The following RBM25 variants were observed in gnomAD, a reference collection of about 807,000 sequenced individuals.
The protein encoded by RBM25 is RNA-binding protein 25.
In RBM25, 19 loss-of-function variants were observed where a neutral mutation model predicts 120.7. The observed-to-expected ratio is 0.16, with a 90% CI of 0.11 to 0.23. The LOEUF is 0.23. Among genes scored for constraint, RBM25 ranks in the 10% least tolerant of loss-of-function variants. The pLI, the probability that RBM25 is intolerant of heterozygous loss-of-function variation, is 1.00. For missense variants in RBM25, 605 were observed against 1,041.5 expected (o/e 0.58, Z 5.77); for synonymous variants, 390 against 326.7 (o/e 1.19, Z -2.09).
At position 73,109,242 on chromosome 14, in the gene RBM25, T is replaced by A. The variant is rs181804695; in HGVS notation, c.1542-100T>A. ...TAAGACATTCTTTAACCTCTTAGCA[T>A]GCAGGTTGTAATGTTGAAAAGAGGT... On this transcript the variant is annotated intron_variant, in intron 13 of 18. Transcript: ENST00000261973. The A allele has an allele frequency of 4.5e-5, 57 of 1,255,438 alleles. No individual in the cohort carries two copies. The East Asian group carries it at 7.1e-4, about 16-fold the overall frequency. The allele number at this position is 1,255,438 out of a possible 1,614,324, so 77.8% of individuals were successfully genotyped here. A position where few individuals can be genotyped will look rare whatever the true frequency, so the allele number is the denominator to read the frequency against.
chr14:73,071,059 T>C (rs1300341798), intron 1 of RBM25, among the ~76,000 whole-genome samples: 3 of 151,066 alleles, frequency 2.0e-5, no homozygotes, highest in Non-Finnish European at 4.4e-5. Context: ...CTGGCCAACA[T>C]GGTGAAACCC....
chr14:73,077,591 A>G (rs1358301582), intron 4 of RBM25, 55 bp downstream of exon 4: 14 of 1,429,116 alleles, frequency 9.8e-6, no homozygotes, highest in Non-Finnish European at 1.2e-5. Context: ...CTACATTTCA[A>G]ACTTAAGCAG....
chr14:73,099,464 C>T, intron 8 of RBM25, 31 bp downstream of exon 8: 1 of 1,600,056 alleles, frequency 6.2e-7, no homozygotes, highest in Non-Finnish European at 8.5e-7. Context: ...TTGACAATAC[C>T]TGTGTTTACT....
intron 6 of RBM25, among the ~76,000 whole-genome samples, chr14:73,090,556 C>T (rs1043492960): frequency 6.6e-6 from 1 of 152,200 alleles, no homozygotes; most frequent in African/African-American, 2.4e-5. Flanking sequence ...TTGATTCATA[C>T]AGACTTTATC....
chr14:73,083,229 G>A (rs889274769), intron 4 of RBM25, among the ~76,000 whole-genome samples: 1 of 152,168 alleles, frequency 6.6e-6, no homozygotes, highest in Non-Finnish European at 1.5e-5. Flanking sequence ...GTTAGGATAA[G>A]TAGTGATGCG....
chr14:73,097,199 T>TTTTTTTTTTTTTTTTTTTTTTTTG, intron 7 of RBM25, 99 bp downstream of exon 7: 1 of 601,316 alleles, frequency 1.7e-6, no homozygotes, highest in Non-Finnish European at 2.3e-6. Flanking sequence ...TTCTTTTCTT[T>TTTTTTTTTTTTTTTTTTTTTTTTG]TTTTTTTTTT....
intron 6 of RBM25, among the ~76,000 whole-genome samples, chr14:73,091,931 TAAA>T (rs1175106601): frequency 6.6e-6 from 1 of 151,242 alleles, no homozygotes; most frequent in Non-Finnish European, 1.5e-5. Context: ...TTATTTTTAA[TAAA>T]AAATTAAAAC....
intron 2 of RBM25, among the ~76,000 whole-genome samples, chr14:73,074,091 A>T (rs1701219241): frequency 6.6e-6 from 1 of 152,250 alleles, no homozygotes; most frequent in Non-Finnish European, 1.5e-5. Context: ...CATCAAACAG[A>T]TTAATAGTTA....
At chr14:73,084,985 G>C (rs1895650380) in intron 5 of RBM25, among the ~76,000 whole-genome samples, 1 of 151,954 alleles carries the variant, frequency 6.6e-6, no homozygotes, top group African/African-American at 2.4e-5. Context: ...CCAGTGCCTA[G>C]ATTGATTAAT....
At chr14:73,104,744 AAGC>A (rs1246462524) in intron 10 of RBM25, among the ~76,000 whole-genome samples, 32 of 152,274 alleles carry the variant, frequency 2.1e-4, no homozygotes, top group African/African-American at 7.5e-4. Flanking sequence ...GAAGAGGAGA[AAGC>A]AGCAAGGAAG....
intron 6 of RBM25, among the ~76,000 whole-genome samples, chr14:73,092,995 C>T (rs552848788): frequency 1.3e-5 from 2 of 152,246 alleles, no homozygotes; most frequent in Admixed American, 1.3e-4. Context: ...TTCTTATTGA[C>T]CTCTAGTAGT....
chr14:73,064,766 C>G (rs1039481853), intron 1 of RBM25, among the ~76,000 whole-genome samples: 5 of 151,000 alleles, frequency 3.3e-5, no homozygotes, highest in African/African-American at 9.7e-5. Flanking sequence ...CCTTTGAAGT[C>G]CAGCCTATCA....
chr14:73,121,724 C>G lies in RBM25; in HGVS notation c.*1919C>G, dbSNP rs982355410. On this transcript the variant is annotated 3_prime_UTR_variant, in exon 19 of 19. Transcript: ENST00000261973. ...GCCACTATTAACATGAAGGTTTATT[C>G]AGGTAGATTTGATTTCCTTTGCTTC... 6.6e-6 allele frequency: 1 copy of G among 152,138 alleles called. No homozygotes were observed. Among genetic ancestry groups the G allele is most frequent in the Non-Finnish European group, 1.5e-5 (1 of 68,022 alleles). The allele number at this position is 152,138 out of a possible 1,614,324, so 9.4% of individuals were successfully genotyped here.
chr14:73,109,569 G>A (rs1896261842), intron 14 of RBM25, 77 bp downstream of exon 14: 15 of 1,368,632 alleles, frequency 1.1e-5, no homozygotes, highest in Middle Eastern at 2.4e-4. Flanking sequence ...CGAGGCGGGC[G>A]GATCACGAGG....
intron 17 of RBM25, among the ~76,000 whole-genome samples, chr14:73,113,798 G>A (rs1249432884): frequency 6.6e-6 from 1 of 152,154 alleles, no homozygotes; most frequent in Non-Finnish European, 1.5e-5. Context: ...TGAAGTTTAA[G>A]GAGAGATTGT....
At position 73,096,017 on chromosome 14, in the gene RBM25, G is replaced by T. The variant is rs573066670; in HGVS notation, c.544-898G>T. 1.7e-3 allele frequency among the ~76,000 whole-genome samples: 258 copies of T among 152,186 alleles called. 2 individuals carry two copies. Among genetic ancestry groups the T allele is most frequent in the African/African-American group, 5.7e-3 (237 of 41,538 alleles). On this transcript the variant is annotated intron_variant, in intron 6 of 18. Transcript: ENST00000261973. ...TATTGAGATGGAGTTTCGCTCTTTT[G>T]CCCAGGCTGGAGTGCAGTGGCGTAA...
intron 10 of RBM25, among the ~76,000 whole-genome samples, chr14:73,105,636 T>A (rs773076874): frequency 2.0e-5 from 3 of 152,218 alleles, no homozygotes; most frequent in Non-Finnish European, 4.4e-5. Context: ...TTTTCTGACA[T>A]ACCAGTAAGC....
At position 73,087,998 on chromosome 14, in the gene RBM25, T is replaced by C; in HGVS notation, c.383-3T>C. ...TTCACTAATTGTTTTCATCCATTGC[T>C]AGCCTTCGGATTCTGTGAGTACAAG... On this transcript the variant is annotated splice_region_variant and splice_polypyrimidine_tract_variant and intron_variant, in intron 5 of 18. Transcript: ENST00000261973. 1 of 1,607,456 alleles carries C rather than the reference T, an allele frequency of 6.2e-7. No homozygotes were observed. The highest frequency in any genetic ancestry group is 8.5e-7 in the Non-Finnish European group (1 of 1,178,388).
chr14:73,061,645 C>T (rs901639928), intron 1 of RBM25, among the ~76,000 whole-genome samples: 2 of 151,170 alleles, frequency 1.3e-5, no homozygotes, highest in African/African-American at 4.8e-5. Flanking sequence ...TGGCTCACTG[C>T]AACTTCCGCA....
Sources: allele counts gnomAD v4.1 joint callset (sites outside exome capture counted in the v4.1 genomes callset), GRCh38; gene constraint gnomAD v4.1.1; transcripts MANE v1.5; gene names NCBI Gene and HGNC (gene_info 2026-07-23, HGNC 2026-07-21).